The following ABHD6 variants were observed in gnomAD, a reference collection of about 807,000 sequenced individuals.
The protein encoded by ABHD6 is monoacylglycerol lipase ABHD6.
In ABHD6, 33 loss-of-function variants were observed where a neutral mutation model predicts 38.8. That is an observed-to-expected ratio of 0.85 (90% CI 0.64 to 1.14). The LOEUF (loss-of-function observed/expected upper bound fraction) is 1.14. ABHD6 is among the 50% of genes most tolerant of loss of function. The pLI, the probability that ABHD6 is intolerant of heterozygous loss-of-function variation, is 0.00. For synonymous variants in ABHD6, 147 were observed against 161.6 expected, an observed-to-expected ratio of 0.91 and a Z score of 0.69; for missense variants, 380 against 422.6, an observed-to-expected ratio of 0.90 and a Z score of 0.88.
Position 58,293,682 on chromosome 3 carries a change from G to T in ABHD6, c.931G>T (p.Glu311Ter). ...AAACTGTGGGCACTCAGTAGTGATG[G>T]AAAGACCCAGGAAGACAGCCAAGCT... The part of the protein sequence containing the change: ...LENCGHSVVM[E>*]RPRKTAKLII... The change falls in exon 10 of 10, where the codon GAA becomes TAA. Residue 311 changes from glutamate to a stop codon, truncating the protein, a stop_gained. Coordinates refer to ENST00000478253, the MANE Select transcript of ABHD6 (RefSeq NM_001320126.2). LOFTEE classifies it high-confidence loss of function. This position sits in a 1 kb window ranked among gnomAD's most constrained non-coding sequence, Gnocchi z 4.4. 1 of 1,614,236 alleles carries T rather than the reference G, an allele frequency of 6.2e-7. No individual in the cohort carries two copies. The highest frequency in any genetic ancestry group is 1.1e-5 in the South Asian group (1 of 91,086).
Position 58,294,543 on chromosome 3 carries a change from C to T in ABHD6, c.*778C>T, listed in dbSNP as rs1046743401. The T allele has an allele frequency of 6.6e-6, 1 of 152,610 alleles. No homozygotes were observed. Among genetic ancestry groups the T allele is most frequent in the Admixed American group, 6.5e-5 (1 of 15,278 alleles). 9.5% of individuals were successfully genotyped at this position (152,610 alleles called of 1,614,324 possible). A position where few individuals can be genotyped will look rare whatever the true frequency, so the allele number is the denominator to read the frequency against. On this transcript the variant is annotated 3_prime_UTR_variant, in exon 10 of 10. Coordinates refer to ENST00000478253, the MANE Select transcript of ABHD6 (RefSeq NM_001320126.2). ...CTGTCTAAGTAATCAGACTCAGGTT[C>T]CACACACAAGCAACAACTCGTGGGC...
chr3:58,241,818 T>C (rs2097423033), intron 1 of ABHD6, among the ~76,000 whole-genome samples: 1 of 152,192 alleles, frequency 6.6e-6, no homozygotes, highest in African/African-American at 2.4e-5. Context: ...GCAGAGTGAA[T>C]GCTTAGTATC....
At chr3:58,289,186 C>G (rs2097459641) in intron 9 of ABHD6, among the ~76,000 whole-genome samples, 1 of 152,100 alleles carries the variant, frequency 6.6e-6, no homozygotes, top group Non-Finnish European at 1.5e-5. Flanking sequence ...TCCCAGGCAG[C>G]TGGGACTACA....
intron 3 of ABHD6, chr3:58,258,599 A>G (rs1232190164): frequency 3.7e-6 from 1 of 267,390 alleles, no homozygotes; most frequent in Non-Finnish European, 7.8e-6. Context: ...GCATCGAAAT[A>G]GACCTGGTTC....
At chr3:58,276,376 G>A (rs1158314102) in intron 7 of ABHD6, among the ~76,000 whole-genome samples, 4 of 152,282 alleles carry the variant, frequency 2.6e-5, no homozygotes, top group Admixed American at 2.0e-4. Context: ...GTGATGATGA[G>A]CAGTTTTTCA....
intron 6 of ABHD6, among the ~76,000 whole-genome samples, chr3:58,272,252 G>A (rs1314947930): frequency 6.6e-6 from 1 of 152,154 alleles, no homozygotes; most frequent in East Asian, 1.9e-4. Context: ...GGAACGTTGA[G>A]GCACAGAGAA....
At chr3:58,243,510 G>C (rs1336593910) in intron 1 of ABHD6, among the ~76,000 whole-genome samples, 1 of 151,986 alleles carries the variant, frequency 6.6e-6, no homozygotes, top group African/African-American at 2.4e-5. Context: ...AGGAGAACTG[G>C]GGGTAGACAG....
At chr3:58,252,869 G>A (rs2097430943) in intron 2 of ABHD6, among the ~76,000 whole-genome samples, 1 of 152,198 alleles carries the variant, frequency 6.6e-6, no homozygotes, top group Admixed American at 6.5e-5. Flanking sequence ...AAGGAAAGCT[G>A]AAGCAAGACC....
chr3:58,257,283 C>T lies in ABHD6; in HGVS notation c.119+578C>T, dbSNP rs35865697. 0.18 allele frequency among the ~76,000 whole-genome samples: 27,239 copies of T among 152,046 alleles called. 4,199 individuals carry two copies. Among genetic ancestry groups the T allele is most frequent in the East Asian group, 0.79 (4,052 of 5,154 alleles). ...ATTCTGTCTTCAAGCAAGAATTGTACATTTTTATGGGAACTCCTTTGGTAT... is the reference window on the plus strand; with the variant it reads ...ATTCTGTCTTCAAGCAAGAATTGTATATTTTTATGGGAACTCCTTTGGTAT... On this transcript the variant is annotated intron_variant, in intron 3 of 9. Transcript: ENST00000478253. This position sits in a 1 kb window ranked among gnomAD's most constrained non-coding sequence, Gnocchi z 4.8.
At chr3:58,244,758 A>T (rs573397593) in intron 1 of ABHD6, among the ~76,000 whole-genome samples, 22 of 148,836 alleles carry the variant, frequency 1.5e-4, no homozygotes, top group Admixed American at 2.7e-4. Flanking sequence ...GTCTCAAATT[A>T]AAAAAAAAAG....
At position 58,243,902 on chromosome 3, in the gene ABHD6, C is replaced by T. The variant is rs28396610; in HGVS notation, c.-90-5976C>T. On this transcript the variant is annotated intron_variant, in intron 1 of 9. Transcript: ENST00000478253. The stretch of plus-strand genomic sequence containing the variant: ...TGGTCTCAAACCTCAAGTGATCCAC[C>T]TGCCTTGGCCTCCCAAAGTGCTGAG... Among the ~76,000 whole-genome samples the T allele has an allele frequency of 8.9e-3, 1,351 of 152,178 alleles. 16 individuals carry two copies. The highest frequency in any genetic ancestry group is 0.03 in the African/African-American group (1,259 of 41,512).
chr3:58,248,133 C>G (rs1173169567), intron 1 of ABHD6, among the ~76,000 whole-genome samples: 1 of 152,016 alleles, frequency 6.6e-6, no homozygotes, highest in African/African-American at 2.4e-5. Context: ...CTGTTCCATG[C>G]TTTTTTGAGT....
In ABHD6 at chr3:58,265,791, G is replaced by T. The variant is rs1302419753; in HGVS notation, c.120-1398G>T. Among the ~76,000 whole-genome samples the T allele has an allele frequency of 6.6e-6, 1 of 152,192 alleles. No individual in the cohort carries two copies. Among genetic ancestry groups the T allele is most frequent in the African/African-American group, 2.4e-5 (1 of 41,434 alleles). ...CTGCTGTGTCATCCCGTGGTGGAAG[G>T]TAGAAGGACAAGAGACTATAAGAGT... is the stretch of plus-strand genomic sequence containing the variant. On this transcript the variant is annotated intron_variant, in intron 3 of 9. Transcript: ENST00000478253. This position sits in a 1 kb window ranked among gnomAD's most constrained non-coding sequence, Gnocchi z 4.2.
Position 58,269,515 on chromosome 3 carries a change from A to G in ABHD6, c.390+81A>G, listed in dbSNP as rs1430218284. 4 of 1,088,162 alleles carry G rather than the reference A, an allele frequency of 3.7e-6. No individual in the cohort carries two copies. Among genetic ancestry groups the G allele is most frequent in the Admixed American group, 2.0e-5 (1 of 50,880 alleles). 67.4% of individuals were successfully genotyped at this position (1,088,162 alleles called of 1,614,324 possible). ...TCTGAGTCTGGAGAGCAGGGAAGGG[A>G]GTCCTGTGCTACCTCATGACCAGTC... On this transcript the variant is annotated intron_variant, in intron 5 of 9. Transcript: ENST00000478253. The surrounding 1 kb of genome is among the most constrained non-coding windows in gnomAD (Gnocchi z 4.4).
chr3:58,291,050 C>A (rs2097462325), intron 9 of ABHD6, among the ~76,000 whole-genome samples: 1 of 150,134 alleles, frequency 6.7e-6, no homozygotes, highest in Non-Finnish European at 1.5e-5. Context: ...GAGGTTGTAG[C>A]GAGCCGAGAT....
rs1322227183 is a variant in ABHD6 at position 58,293,146 on chromosome 3, C to T, written c.838-443C>T. 1.3e-5 allele frequency among the ~76,000 whole-genome samples: 2 copies of T among 152,072 alleles called. No individual in the cohort carries two copies. The highest frequency in any genetic ancestry group is 6.5e-5 in the Admixed American group (1 of 15,270). On this transcript the variant is annotated intron_variant, in intron 9 of 9. Transcript: ENST00000478253. This position sits in a 1 kb window ranked among gnomAD's most constrained non-coding sequence, Gnocchi z 4.4. Reference sequence around the variant, plus strand: ...CCCATGTGCTTGGTGTCTCAGCCGCCGTGCTCCTTGGTGGCCCCTGCACTC... The same window carrying T: ...CCCATGTGCTTGGTGTCTCAGCCGCTGTGCTCCTTGGTGGCCCCTGCACTC...
intron 1 of ABHD6, among the ~76,000 whole-genome samples, chr3:58,244,480 C>A (rs1028635272): frequency 5.3e-5 from 8 of 152,180 alleles, no homozygotes; most frequent in Non-Finnish European, 1.2e-4. Context: ...TCTAAGAATT[C>A]GCACAGGGCT....
chr3:58,241,249 T>A (rs1393124306), intron 1 of ABHD6, among the ~76,000 whole-genome samples: 1 of 152,218 alleles, frequency 6.6e-6, no homozygotes, highest in Non-Finnish European at 1.5e-5. Context: ...TGACCTTGCA[T>A]GTAGTTGCCT....
At chr3:58,264,448 T>A (rs9861957) in intron 3 of ABHD6, among the ~76,000 whole-genome samples, 1 of 100,558 alleles carries the variant, frequency 9.9e-6, no homozygotes, top group East Asian at 2.1e-4. Flanking sequence ...CACACACATA[T>A]GCCAGGTGCA....
Sources: gnomAD v4.1 joint callset for allele counts (sites outside exome capture counted in the v4.1 genomes callset) on GRCh38, gnomAD v4.1.1 for gene constraint, Gnocchi (gnomAD v3.1) non-coding constraint, MANE v1.5 for transcripts, NCBI Gene and HGNC (gene_info 2026-07-23, HGNC 2026-07-21) for gene names.